MCPH1: variants seen among roughly 807,000 people sequenced by gnomAD.
MCPH1 encodes the protein microcephalin.
In MCPH1, 104 loss-of-function variants were observed where a neutral mutation model predicts 84.5. The observed-to-expected ratio is 1.23, with a 90% CI of 1.05 to 1.45. The LOEUF (loss-of-function observed/expected upper bound fraction) is 1.45, where lower values mean the gene tolerates loss of function less well. Ranked by LOEUF, MCPH1 falls within the 40% of genes most tolerant of loss-of-function variation. MCPH1 has a pLI of 0.00. For synonymous variants in MCPH1, 514 were observed against 366.8 expected (o/e 1.40, Z -4.58); for missense variants, 1,498 against 1,005.7 (o/e 1.49, Z -6.62).
At chr8:6,409,453 GT>G (rs2129550804) in intron 2 of MCPH1, 83 bp downstream of exon 2, 8 of 1,175,930 alleles carry the variant, frequency 6.8e-6, no homozygotes, top group Non-Finnish European at 8.9e-6. Flanking sequence ...TATTTTGGGA[GT>G]TTTTACTTAG....
chr8:6,445,477 T>C lies in MCPH1; in HGVS notation c.1755T>C (p.Cys585=). ...EGEAQSEHEP[C]FIVDCNMETS... ...AAGCCCAGAGTGAACATGAGCCATG[T>C]TTTATAGTTGACTGTAACATGGAGA... Residue 585 remains cysteine, a synonymous_variant, in exon 8 of 14, where the codon TGT becomes TGC. Coordinates refer to ENST00000344683, the MANE Select transcript of MCPH1 (RefSeq NM_024596.5). The C allele has an allele frequency of 6.2e-7, 1 of 1,614,126 alleles. No individual in the cohort carries two copies. The highest frequency in any genetic ancestry group is 1.1e-5 in the South Asian group (1 of 91,078).
Position 6,523,440 on chromosome 8 carries a change from T to C in MCPH1, c.2214+23511T>C, listed in dbSNP as rs533310103. Among the ~76,000 whole-genome samples the C allele has an allele frequency of 2.6e-5, 4 of 152,356 alleles. No individual in the cohort carries two copies. In the South Asian group the frequency reaches 8.3e-4, roughly 32 times the overall value. On this transcript the variant is annotated intron_variant, in intron 12 of 13. Transcript: ENST00000344683. ...CTATAAATATGTTCAATGAAGAGCA[T>C]ACCACTTTTAAACTAAAAATAGTTC...
intron 11 of MCPH1, among the ~76,000 whole-genome samples, chr8:6,488,443 A>AT (rs1010631987): frequency 6.6e-6 from 1 of 152,206 alleles, no homozygotes; most frequent in African/African-American, 2.4e-5. Context: ...AGTCAAAGTG[A>AT]TTTTTTTAGT....
In MCPH1 at chr8:6,647,295, G is replaced by C. The variant is rs990005201; in HGVS notation, c.*4246G>C. ...AATTCCAACATCTGACCAAGATATG[G>C]AGAAACTAGAACTCTCCTACATTGC... On this transcript the variant is annotated 3_prime_UTR_variant, in exon 14 of 14. Transcript: ENST00000344683. The C allele has an allele frequency of 3.3e-5, 5 of 152,178 alleles. No homozygotes were observed. Among genetic ancestry groups the C allele is most frequent in the Non-Finnish European group, 7.3e-5 (5 of 68,028 alleles). The allele number at this position is 152,178 out of a possible 1,614,324, so 9.4% of individuals were successfully genotyped here.
intron 12 of MCPH1, among the ~76,000 whole-genome samples, chr8:6,505,865 CAT>C (rs1167344971): frequency 2.7e-4 from 36 of 132,804 alleles, no homozygotes; most frequent in African/African-American, 8.5e-4. Flanking sequence ...TATATAAAAA[CAT>C]ACATATTCTT....
intron 13 of MCPH1, among the ~76,000 whole-genome samples, chr8:6,623,447 T>C (rs911613796): frequency 3.9e-5 from 6 of 152,042 alleles, no homozygotes; most frequent in African/African-American, 1.4e-4. Flanking sequence ...TTCTTAGTAC[T>C]TTTGCATGTC....
chr8:6,477,466 ACATATGC>A, intron 9 of MCPH1, 121 bp from the exon 10 acceptor site: 1 of 791,164 alleles, frequency 1.3e-6, no homozygotes, highest in Admixed American at 2.5e-5. Context: ...TTTTTCTTTG[ACATATGC>A]TTAAATGTTT....
intron 12 of MCPH1, chr8:6,501,224 C>CTACATA (rs1001431444): frequency 2.6e-5 from 4 of 152,142 alleles, no homozygotes; most frequent in African/African-American, 7.2e-5. Flanking sequence ...GTAGCAACAC[C>CTACATA]TGTGTGTTCT....
At chr8:6,417,685 C>A (rs1372427812) in intron 3 of MCPH1, among the ~76,000 whole-genome samples, 1 of 152,138 alleles carries the variant, frequency 6.6e-6, no homozygotes, top group Non-Finnish European at 1.5e-5. Flanking sequence ...TGAGATTTCT[C>A]ACCTTTGGTT....
chr8:6,472,838 C>G (rs138771321), intron 9 of MCPH1, among the ~76,000 whole-genome samples: 2 of 152,192 alleles, frequency 1.3e-5, no homozygotes, highest in East Asian at 3.9e-4. Context: ...CAAAAATTAT[C>G]AAGAAATTTT....
chr8:6,610,288 C>T (rs940352797), intron 12 of MCPH1, among the ~76,000 whole-genome samples: 2 of 152,202 alleles, frequency 1.3e-5, no homozygotes, highest in African/African-American at 4.8e-5. Context: ...CACGAGCCAC[C>T]TTGATTTTAG....
Position 6,647,213 on chromosome 8 carries a change from G to A in MCPH1, c.*4164G>A, listed in dbSNP as rs188862510. 2.7e-4 allele frequency: 41 copies of A among 152,050 alleles called. No homozygotes were observed. The highest frequency in any genetic ancestry group is 8.7e-4 in the African/African-American group (36 of 41,470). The allele number at this position is 152,050 out of a possible 1,614,324, so 9.4% of individuals were successfully genotyped here. A position where few individuals can be genotyped will look rare whatever the true frequency, so the allele number is the denominator to read the frequency against. On this transcript the variant is annotated 3_prime_UTR_variant, in exon 14 of 14. Coordinates refer to ENST00000344683, the MANE Select transcript of MCPH1 (RefSeq NM_024596.5). ...GTCACTAGGGAAATACAAATTAAAG[G>A]CCCAATGAAATACCTATTACACACC... is the stretch of plus-strand genomic sequence containing the variant.
chr8:6,598,887 T>A (rs1174003971), intron 12 of MCPH1, among the ~76,000 whole-genome samples: 1 of 152,244 alleles, frequency 6.6e-6, no homozygotes, highest in African/African-American at 2.4e-5. Context: ...CAAAATGCAT[T>A]GCTCTCATCT....
chr8:6,577,709 G>T (rs540233186), intron 12 of MCPH1, among the ~76,000 whole-genome samples: 10 of 152,348 alleles, frequency 6.6e-5, no homozygotes, highest in Admixed American at 2.0e-4. Flanking sequence ...GCACTACACT[G>T]TATTATTCTA....
At chr8:6,629,131 G>C (rs967246672) in intron 13 of MCPH1, among the ~76,000 whole-genome samples, 14 of 152,184 alleles carry the variant, frequency 9.2e-5, no homozygotes, top group East Asian at 1.9e-4. Context: ...GAGGTCATAA[G>C]GGCAAGGCCC....
chr8:6,552,775 G>C (rs756209896), intron 12 of MCPH1, among the ~76,000 whole-genome samples: 13 of 151,478 alleles, frequency 8.6e-5, no homozygotes, highest in Non-Finnish European at 1.6e-4. Flanking sequence ...AGTTAATTAA[G>C]GCAAGAGATC....
intron 12 of MCPH1, among the ~76,000 whole-genome samples, chr8:6,572,072 A>C (rs1361225607): frequency 6.6e-6 from 1 of 152,180 alleles, no homozygotes; most frequent in Non-Finnish European, 1.5e-5. Context: ...ATTTCAAGTA[A>C]GGGGTCTAAA....
intron 12 of MCPH1, among the ~76,000 whole-genome samples, chr8:6,605,208 G>T (rs1563178407): frequency 6.6e-6 from 1 of 152,132 alleles, no homozygotes; most frequent in Non-Finnish European, 1.5e-5. Flanking sequence ...CATGTTGGGG[G>T]AATTTTATAT....
At chr8:6,558,452 T>G (rs937264625) in intron 12 of MCPH1, among the ~76,000 whole-genome samples, 1 of 152,216 alleles carries the variant, frequency 6.6e-6, no homozygotes, top group Non-Finnish European at 1.5e-5. Context: ...TCAATTATTT[T>G]ATGGATTAAA....
Sources: gnomAD v4.1 joint callset for allele counts (sites outside exome capture counted in the v4.1 genomes callset) on GRCh38, gnomAD v4.1.1 for gene constraint, MANE v1.5 for transcripts, NCBI Gene and HGNC (gene_info 2026-07-23, HGNC 2026-07-21) for gene names.